Variants in SLC11A2 observed in about 807,000 individuals in gnomAD.
SLC11A2 encodes the protein solute carrier family 11 member 2.
A neutral mutation model predicts 68.0 loss-of-function variants in SLC11A2; 38 were observed. The observed-to-expected ratio is 0.56, with a 90% CI of 0.43 to 0.73. The LOEUF is 0.73. SLC11A2 is among the 30% of genes least tolerant of loss of function. The pLI is 0.00. For synonymous variants in SLC11A2, 242 were observed against 250.6 expected (o/e 0.97, Z 0.32); for missense variants, 517 against 690.5 (o/e 0.75, Z 2.82).
chr12:50,992,051 T>A, intron 13 of SLC11A2, 139 bp downstream of exon 13: 1 of 859,282 alleles, frequency 1.2e-6, no homozygotes, highest in Non-Finnish European at 1.9e-6. Context: ...AAGGATTTCA[T>A]ATACATTTAC....
upstream of SLC11A2, chr12:51,028,050 T>TG: frequency 2.0e-6 from 1 of 508,800 alleles, no homozygotes; most frequent in Non-Finnish European, 3.4e-6. Context: ...AAAGGTTTGA[T>TG]GAAGTTCCTC....
Position 50,992,243 on chromosome 12 carries a change from C to A in SLC11A2, c.1294G>T (p.Val432Leu). Residue 432 changes from valine to leucine, a missense_variant, in exon 13 of 16, where the codon GTA (valine) becomes TTA (leucine). Transcript: ENST00000262052. The stretch of plus-strand genomic sequence containing the variant: ...TCATTCATCCCTGTTAGATGCTCTA[C>A]ATCTTGGAAGACAGCAACAAGCAGA... ...PTLLVAVFQD[V>L]EHLTGMNDFL... 2 of 1,614,080 alleles carry A rather than the reference C, an allele frequency of 1.2e-6. No individual in the cohort carries two copies. Among genetic ancestry groups the A allele is most frequent in the South Asian group, 1.1e-5 (1 of 91,080 alleles).
chr12:51,008,379 TA>T (rs962231891), intron 3 of SLC11A2, 96 bp downstream of exon 3: 1 of 948,180 alleles, frequency 1.1e-6, no homozygotes, highest in African/African-American at 1.6e-5. Flanking sequence ...CAGCCAAAAT[TA>T]AACCTGAGGC....
the SLC11A2 span, among the ~76,000 whole-genome samples, chr12:50,973,314 AGCAAC>A: frequency 5.3e-5 from 8 of 152,204 alleles, no homozygotes; most frequent in Non-Finnish European, 1.0e-4. Flanking sequence ...ACGATCAGGC[AGCAAC>A]ATTTGCTGTT....
At chr12:51,020,400 G>A (rs1203062080) in intron 1 of SLC11A2, among the ~76,000 whole-genome samples, 2 of 152,282 alleles carry the variant, frequency 1.3e-5, no homozygotes, top group East Asian at 3.9e-4. Context: ...GTTGAAGACT[G>A]ATTATGTGTA....
intron 1 of SLC11A2, among the ~76,000 whole-genome samples, chr12:51,022,370 G>A (rs953006700): frequency 6.9e-6 from 1 of 144,006 alleles, no homozygotes; most frequent in East Asian, 2.1e-4. Context: ...CCAAAAGCTT[G>A]AGACCAGCCT....
the SLC11A2 span, among the ~76,000 whole-genome samples, chr12:50,971,263 A>G: frequency 6.7e-6 from 1 of 149,346 alleles, no homozygotes; most frequent in East Asian, 1.9e-4. Context: ...TTACGGTTTC[A>G]TAAACTCCTT....
intron 1 of SLC11A2, among the ~76,000 whole-genome samples, chr12:51,025,077 C>T (rs762424414): frequency 9.2e-5 from 14 of 152,140 alleles, no homozygotes; most frequent in African/African-American, 3.4e-4. Flanking sequence ...AGTTTCCAAC[C>T]GTATTTAATA....
chr12:50,995,964 G>A (rs2301529), intron 9 of SLC11A2, among the ~76,000 whole-genome samples, 177 bp from the exon 10 acceptor site: 22,409 of 152,062 alleles, frequency 0.15, 1,880 homozygotes, highest in South Asian at 0.27. Flanking sequence ...ACTTCATATG[G>A]GGGGAGAAAA....
chr12:50,954,149 C>A, the SLC11A2 span: 1 of 1,023,492 alleles, frequency 9.8e-7, no homozygotes, highest in Non-Finnish European at 1.5e-6. Context: ...GATGCCTTAC[C>A]CAGTGCCTTT....
the SLC11A2 span, among the ~76,000 whole-genome samples, chr12:50,958,237 A>C: frequency 6.6e-6 from 1 of 151,946 alleles, no homozygotes; most frequent in Admixed American, 6.6e-5. Flanking sequence ...AACTTATTCT[A>C]AATCTTATAT....
chr12:50,977,009 T>G (rs1310582402), downstream of SLC11A2, among the ~76,000 whole-genome samples: 1 of 152,090 alleles, frequency 6.6e-6, no homozygotes, highest in East Asian at 1.9e-4. Context: ...TACAAACAAA[T>G]GGAAGAACAT....
the SLC11A2 span, among the ~76,000 whole-genome samples, chr12:50,958,253 G>A: frequency 1.3e-5 from 2 of 151,608 alleles, no homozygotes; most frequent in Non-Finnish European, 2.9e-5. Flanking sequence ...TATATGGAAA[G>A]GCACAAGTCC....
the SLC11A2 span, chr12:50,970,496 C>A: frequency 8.5e-6 from 13 of 1,526,916 alleles, no homozygotes; most frequent in East Asian, 2.9e-4. Flanking sequence ...TTCAGTGAGT[C>A]CAAAAAATGA....
chr12:50,991,474 A>T, intron 14 of SLC11A2, 125 bp downstream of exon 14: 1 of 747,346 alleles, frequency 1.3e-6, no homozygotes, highest in Non-Finnish European at 2.4e-6. Flanking sequence ...AAGAGGAAGC[A>T]GCTAGCAATC....
chr12:51,028,795 A>G (rs541666261), upstream of SLC11A2, among the ~76,000 whole-genome samples: 12 of 152,310 alleles, frequency 7.9e-5, no homozygotes, highest in South Asian at 2.5e-3. Context: ...CTCGGGATCT[A>G]AAGGACCCTC....
intron 1 of SLC11A2, among the ~76,000 whole-genome samples, chr12:51,023,030 T>C (rs145433294): frequency 2.6e-5 from 4 of 152,382 alleles, no homozygotes; most frequent in East Asian, 3.8e-4. Context: ...ATATACCTTA[T>C]TATATACATG....
intron 1 of SLC11A2, among the ~76,000 whole-genome samples, chr12:51,023,861 T>G (rs1395562209): frequency 1.3e-5 from 2 of 152,100 alleles, no homozygotes; most frequent in Non-Finnish European, 2.9e-5. Context: ...GGTGGTGGCA[T>G]GCACTTGTAC....
intron 15 of SLC11A2, 30 bp from the exon 16 acceptor site, chr12:50,988,465 C>G (rs1158522286): frequency 6.2e-7 from 1 of 1,613,406 alleles, no homozygotes; most frequent in Non-Finnish European, 8.5e-7. Context: ...CATCACTCAC[C>G]AGGCTCTTTG....
Sources: allele counts gnomAD v4.1 joint callset (sites outside exome capture counted in the v4.1 genomes callset), GRCh38; gene constraint gnomAD v4.1.1; transcripts MANE v1.5; gene names NCBI Gene and HGNC (gene_info 2026-07-23, HGNC 2026-07-21).